Variants in DAB1 observed in about 807,000 individuals in gnomAD.
The protein encoded by DAB1 is DAB adaptor protein 1.
DAB1 carries 15 observed loss-of-function variants against 64.6 expected under a neutral mutation model. The observed-to-expected ratio is 0.23, with a 90% CI of 0.16 to 0.36. The LOEUF is 0.36. Among genes scored for constraint, DAB1 ranks in the 10% least tolerant of loss-of-function variants. The probability of loss-of-function intolerance (pLI) is 1.00; values close to 1 mark genes in which losing one functional copy is unlikely to be tolerated. For missense variants in DAB1, 596 were observed against 706.7 expected (o/e 0.84, Z 1.78); for synonymous variants, 235 against 251.9 (o/e 0.93, Z 0.64).
At chr1:57,733,817 G>A (rs1048713362) in intron 6 of DAB1, among the ~76,000 whole-genome samples, 1 of 152,106 alleles carries the variant, frequency 6.6e-6, no homozygotes, top group African/African-American at 2.4e-5. Flanking sequence ...GCAGAGGGAA[G>A]AGTCAGCATG....
rs893525964 is a variant in DAB1, at chr1:57,909,896, C to T, written n.388-25734G>A. 3.3e-5 allele frequency among the ~76,000 whole-genome samples: 5 copies of T among 152,110 alleles called. No homozygotes were observed. The South Asian group carries it at 1.0e-3, about 32-fold the overall frequency. ...GTCATTTCAGTGATTCATGTTAAGC[C>T]GGACAGTGCTGACTGGTACTGGCGT... On this transcript the variant is annotated intron_variant and non_coding_transcript_variant, in intron 5 of 20. Coordinates refer to the DAB1 transcript ENST00000485760.
At chr1:58,341,096 T>C (rs565611795) in intron 4 of DAB1, among the ~76,000 whole-genome samples, 9 of 151,314 alleles carry the variant, frequency 5.9e-5, no homozygotes, top group African/African-American at 1.9e-4. Context: ...TAAGCATCAT[T>C]TATTGGATAA....
intron 6 of DAB1, among the ~76,000 whole-genome samples, chr1:57,711,468 A>T (rs1022318876): frequency 1.3e-5 from 2 of 152,222 alleles, no homozygotes; most frequent in African/African-American, 4.8e-5. Flanking sequence ...TGGTGGGGAT[A>T]GCAGTTGGCT....
intron 5 of DAB1, among the ~76,000 whole-genome samples, chr1:58,003,167 T>C (rs1164852260): frequency 1.3e-5 from 2 of 152,196 alleles, no homozygotes; most frequent in Non-Finnish European, 2.9e-5. Flanking sequence ...ATGTAAGGAT[T>C]TGATGAAATC....
At chr1:58,047,155 T>TCACC (rs151031757) in intron 5 of DAB1, among the ~76,000 whole-genome samples, 4,886 of 152,282 alleles carry the variant, frequency 0.032, 195 homozygotes, top group African/African-American at 0.099. Context: ...TCAAGCAGTT[T>TCACC]CACCCAAAAG....
At chr1:58,027,725 T>C (rs1451127742) in intron 5 of DAB1, among the ~76,000 whole-genome samples, 1 of 152,142 alleles carries the variant, frequency 6.6e-6, no homozygotes, top group African/African-American at 2.4e-5. Flanking sequence ...ATAATTTCTA[T>C]CTTACAGGAT....
intron 7 of DAB1, among the ~76,000 whole-genome samples, chr1:57,578,491 T>C (rs1489378524): frequency 1.3e-5 from 2 of 152,206 alleles, no homozygotes; most frequent in African/African-American, 4.8e-5. Flanking sequence ...ACACTTATCT[T>C]CATAGAACTT....
Position 56,995,174 on chromosome 1 carries a change from G to A in DAB1, c.*2970C>T, listed in dbSNP as rs1645573806. 1 of 152,232 alleles carries A rather than the reference G, an allele frequency of 6.6e-6. No individual in the cohort carries two copies. Among genetic ancestry groups the A allele is most frequent in the Non-Finnish European group, 1.5e-5 (1 of 68,064 alleles). The allele number at this position is 152,232 out of a possible 1,614,324, so 9.4% of individuals were successfully genotyped here. ...TGAAGAGCTATGGAGAATGGGGACA[G>A]AATGACAGGTGGTGTTTCCCTGGTT... On this transcript the variant is annotated 3_prime_UTR_variant, in exon 15 of 15. Transcript: ENST00000371236.
chr1:58,004,591 G>A (rs1423223005), intron 5 of DAB1, among the ~76,000 whole-genome samples: 1 of 152,182 alleles, frequency 6.6e-6, no homozygotes, highest in African/African-American at 2.4e-5. Flanking sequence ...AAGTGGTGTT[G>A]CTTAACCTCT....
chr1:57,846,555 T>C (rs982122116), intron 1 of DAB1, among the ~76,000 whole-genome samples: 1 of 152,182 alleles, frequency 6.6e-6, no homozygotes, highest in Non-Finnish European at 1.5e-5. Context: ...GCCTACTCTG[T>C]GCTGTTTACT....
intron 4 of DAB1, among the ~76,000 whole-genome samples, chr1:57,087,402 G>A (rs1366381749): frequency 1.3e-5 from 2 of 152,228 alleles, no homozygotes; most frequent in Non-Finnish European, 2.9e-5. Context: ...CAAGAAATAA[G>A]GAGTCACCAA....
intron 2 of DAB1, among the ~76,000 whole-genome samples, chr1:57,197,885 A>T (rs1190546336): frequency 1.3e-5 from 2 of 152,224 alleles, no homozygotes; most frequent in Non-Finnish European, 2.9e-5. Context: ...AAGGCAATAA[A>T]GTAGATTAAA....
chr1:58,118,781 G>T (rs1169149418), intron 5 of DAB1, among the ~76,000 whole-genome samples: 1 of 151,242 alleles, frequency 6.6e-6, no homozygotes, highest in Non-Finnish European at 1.5e-5. Flanking sequence ...GGCACCAACA[G>T]GTAAAGAAAA....
rs995993404 is a variant in DAB1, at chr1:58,211,924, G to A, written n.310-61336C>T. On this transcript the variant is annotated intron_variant and non_coding_transcript_variant, in intron 4 of 20. Transcript: ENST00000485760. ...CTCTGTCCTTGGGGATGATCCACAA[G>A]GCCAATACAGGGAGTGCACAATCCT... is the stretch of plus-strand genomic sequence containing the variant. Among the ~76,000 whole-genome samples the A allele has an allele frequency of 4.5e-4, 68 of 152,250 alleles. 1 individual carries two copies. The highest frequency in any genetic ancestry group is 1.5e-3 in the African/African-American group (63 of 41,562).
At chr1:57,699,802 A>C (rs902192599) in intron 6 of DAB1, among the ~76,000 whole-genome samples, 1 of 151,994 alleles carries the variant, frequency 6.6e-6, no homozygotes, top group African/African-American at 2.4e-5. Context: ...AGTCCCAGCT[A>C]CTTGGGAGGC....
intron 1 of DAB1, chr1:57,862,467 G>C (rs956684279): frequency 1.3e-5 from 2 of 152,098 alleles, no homozygotes; most frequent in Non-Finnish European, 2.9e-5. Context: ...AATACGAAGG[G>C]AGAATGAAAC....
At chr1:57,540,335 T>A (rs986299671) in intron 7 of DAB1, among the ~76,000 whole-genome samples, 1 of 152,186 alleles carries the variant, frequency 6.6e-6, no homozygotes, top group Non-Finnish European at 1.5e-5. Flanking sequence ...GAAACTCTTA[T>A]ACACTGTTGG....
Position 58,330,114 on chromosome 1 carries a change from C to A in DAB1, n.309+13238G>T, listed in dbSNP as rs575474746. On this transcript the variant is annotated intron_variant and non_coding_transcript_variant, in intron 4 of 20. Coordinates refer to the DAB1 transcript ENST00000485760. ...TACTTGTGAATGCAAAGGAAAAGTTCTTCAAGGAAATTAGAAGTGCCACTC... is the reference window on the plus strand; with the variant it reads ...TACTTGTGAATGCAAAGGAAAAGTTATTCAAGGAAATTAGAAGTGCCACTC... 3.3e-5 allele frequency among the ~76,000 whole-genome samples: 5 copies of A among 152,314 alleles called. No individual in the cohort carries two copies. The East Asian group carries it at 5.8e-4, about 18-fold the overall frequency.
intron 4 of DAB1, among the ~76,000 whole-genome samples, chr1:57,074,847 C>T (rs1017355658): frequency 6.6e-6 from 1 of 152,068 alleles, no homozygotes; most frequent in Non-Finnish European, 1.5e-5. Flanking sequence ...AATTAGGACC[C>T]ATTAATTTTT....
Sources: gnomAD v4.1 joint callset for allele counts (sites outside exome capture counted in the v4.1 genomes callset) on GRCh38, gnomAD v4.1.1 for gene constraint, MANE v1.5 for transcripts, NCBI Gene and HGNC (gene_info 2026-07-23, HGNC 2026-07-21) for gene names.